RNPS1: variants seen among roughly 807,000 people sequenced by gnomAD.
The protein encoded by RNPS1 is RNA binding protein with serine rich domain 1, also known as RNA-binding protein with serine-rich domain 1.
For synonymous variants in RNPS1, 147 were observed against 150.0 expected (o/e 0.98, Z 0.15); for missense variants, 300 against 427.6 (o/e 0.70, Z 2.63).
rs545681694 is a variant in RNPS1 at position 2,256,049 on chromosome 16, C to T, written c.677-323G>A. ...CTGAGGCAGGAGAATGGCGTGAACC[C>T]GGGAGGCAGAGGCTGCAGTAAGCAG... is the stretch of plus-strand genomic sequence containing the variant. On this transcript the variant is annotated intron_variant, in intron 6 of 7. Coordinates refer to ENST00000320225, the MANE Select transcript of RNPS1 (RefSeq NM_080594.4). 1.6e-4 allele frequency: 47 copies of T among 300,048 alleles called. 2 individuals are homozygous for T. Among genetic ancestry groups the T allele is most frequent in the South Asian group, 1.3e-3 (42 of 31,872 alleles). 18.6% of individuals were successfully genotyped at this position (300,048 alleles called of 1,614,324 possible). A position where few individuals can be genotyped will look rare whatever the true frequency, so the allele number is the denominator to read the frequency against.
chr16:2,259,166 C>T lies in RNPS1; in HGVS notation c.676+3112G>A, dbSNP rs1195921613. Among the ~76,000 whole-genome samples the T allele has an allele frequency of 3.4e-5, 5 of 149,244 alleles. No individual in the cohort carries two copies. The East Asian group carries it at 9.7e-4, about 29-fold the overall frequency. ...GGATTGGGTTTTAACATTAACAGCACACTGATGTAAAAGTGAAATTTGGCT... is the reference window on the plus strand; with the variant it reads ...GGATTGGGTTTTAACATTAACAGCATACTGATGTAAAAGTGAAATTTGGCT... On this transcript the variant is annotated intron_variant, in intron 6 of 7. Transcript: ENST00000320225.
chr16:2,262,615 A>C, intron 5 of RNPS1, 125 bp downstream of exon 5: 1 of 983,454 alleles, frequency 1.0e-6, no homozygotes, highest in Non-Finnish European at 1.5e-6. Context: ...GGAACGAATC[A>C]ATGCTGTACT....
chr16:2,255,015 G>A (rs2093571365), intron 7 of RNPS1, among the ~76,000 whole-genome samples: 1 of 152,144 alleles, frequency 6.6e-6, no homozygotes, highest in Non-Finnish European at 1.5e-5. Flanking sequence ...GTGATTACAG[G>A]CCTGAGCCAC....
intron 7 of RNPS1, among the ~76,000 whole-genome samples, chr16:2,255,077 A>C (rs539961984): frequency 6.6e-6 from 1 of 152,176 alleles, no homozygotes; most frequent in Non-Finnish European, 1.5e-5. Context: ...GACAGGTCCC[A>C]CCTGATGGGC....
chr16:2,267,096 C>G (rs1038596649), intron 1 of RNPS1: 2 of 830,866 alleles, frequency 2.4e-6, no homozygotes, highest in African/African-American at 3.7e-5. Flanking sequence ...ACTCCAAACA[C>G]TAAGAACCAC....
chr16:2,267,987 A>AGGCGTCCTGCCGGGCCTGCCGGGC, intron 1 of RNPS1, 68 bp downstream of exon 1: 18 of 1,533,348 alleles, frequency 1.2e-5, no homozygotes, highest in Admixed American at 2.0e-5. Flanking sequence ...CGGCTTCACG[A>AGGCGTCCTGCCGGGCCTGCCGGGC]GGCGTCCTGC....
intron 3 of RNPS1, 69 bp downstream of exon 3, chr16:2,264,107 C>G: frequency 1.3e-6 from 2 of 1,553,802 alleles, no homozygotes; most frequent in Non-Finnish European, 1.8e-6. Context: ...GAAAACCGAG[C>G]CATCTGTGGG....
At position 2,267,620 on chromosome 16, in the gene RNPS1, C is replaced by T. The variant is rs1466469955; in HGVS notation, c.-118+435G>A. 8.3e-6 allele frequency: 9 copies of T among 1,079,814 alleles called. No individual in the cohort carries two copies. In the East Asian group the frequency reaches 7.5e-4, roughly 90 times the overall value. 66.9% of individuals were successfully genotyped at this position (1,079,814 alleles called of 1,614,324 possible). On this transcript the variant is annotated intron_variant, in intron 1 of 7. Coordinates refer to ENST00000320225, the MANE Select transcript of RNPS1 (RefSeq NM_080594.4). ...GAAACTCCGCGCCCGCCGACACCGG[C>T]CCGACACGCCGACCTCGCCGCTACC...
Position 2,262,236 on chromosome 16 carries a change from C to G in RNPS1, c.676+42G>C, listed in dbSNP as rs189453052. On this transcript the variant is annotated intron_variant, in intron 6 of 7. Coordinates refer to ENST00000320225, the MANE Select transcript of RNPS1 (RefSeq NM_080594.4). The stretch of plus-strand genomic sequence containing the variant: ...TCAGTTTGAAAGCCCCTCGCGGCGG[C>G]GGGTCTCTGAGAGGTCAGGGTTATG... The G allele has an allele frequency of 2.6e-4, 413 of 1,583,358 alleles. 2 individuals are homozygous for G. The Middle Eastern group carries it at 5.5e-3, about 21-fold the overall frequency.
chr16:2,263,314 C>G (rs1248428059), intron 3 of RNPS1, 27 bp from the exon 4 acceptor site: 1 of 1,610,832 alleles, frequency 6.2e-7, no homozygotes, highest in Admixed American at 1.7e-5. Flanking sequence ...GGGTCACAAC[C>G]ACCACACACC....
chr16:2,254,952 C>T (rs1479148544), intron 7 of RNPS1, among the ~76,000 whole-genome samples: 6 of 152,016 alleles, frequency 3.9e-5, no homozygotes, highest in Non-Finnish European at 7.4e-5. Context: ...CTGTATTAGC[C>T]AGGGTGGTCT....
intron 1 of RNPS1, 55 bp from the exon 2 acceptor site, chr16:2,264,815 C>T (rs2093618493): frequency 1.2e-5 from 17 of 1,402,970 alleles, no homozygotes; most frequent in Non-Finnish European, 1.5e-5. Context: ...GGCAACAAGT[C>T]TACTTTGCAG....
At chr16:2,264,416 C>G in intron 2 of RNPS1, 85 bp from the exon 3 acceptor site, 1 of 1,592,786 alleles carries the variant, frequency 6.3e-7, no homozygotes, top group Admixed American at 1.7e-5. Flanking sequence ...TCAGCATCAG[C>G]AGGGCCACAG....
Position 2,262,861 on chromosome 16 carries a change from C to T in RNPS1, c.420-19G>A. ...TTTGGATCTGATTGAGAAAACAAAA[C>T]ACCAGAAACAATTTCTGTCAAGTCA... On this transcript the variant is annotated intron_variant, in intron 4 of 7. Transcript: ENST00000320225. 6.3e-7 allele frequency: 1 copy of T among 1,599,682 alleles called. No homozygotes were observed. The highest frequency in any genetic ancestry group is 8.6e-7 in the Non-Finnish European group (1 of 1,168,062).
intron 6 of RNPS1, chr16:2,257,684 GACTT>G (rs2093584924): frequency 6.6e-6 from 1 of 152,190 alleles, no homozygotes. Flanking sequence ...GCAAAGGTGT[GACTT>G]ACAAGGCCAA....
intron 7 of RNPS1, 125 bp from the exon 8 acceptor site, chr16:2,254,188 T>C: frequency 1.5e-6 from 1 of 673,200 alleles, no homozygotes; most frequent in Non-Finnish European, 2.3e-6. Flanking sequence ...CAGGCCAGAG[T>C]GCAGTGGCAC....
At chr16:2,259,592 T>TA (rs2093593734) in intron 6 of RNPS1, among the ~76,000 whole-genome samples, 1 of 152,202 alleles carries the variant, frequency 6.6e-6, no homozygotes, top group African/African-American at 2.4e-5. Context: ...TCAGGACTCT[T>TA]AAAGAGCTAA....
Position 2,264,204 on chromosome 16 carries a change from T to C in RNPS1, c.199A>G (p.Ser67Gly), listed in dbSNP as rs1416471034. ...RGRDKTRKRR[S>G]ASSGSSSTRS... ...GTACTGCTGCTACCACTGGAAGCGC[T>C]GCGCCTCTTTCGGGTTTTGTCCCGG... The change falls in exon 3 of 8, where the codon AGC becomes GGC. Residue 67 changes from serine (S) to glycine (G), a missense_variant. Transcript: ENST00000320225. 4.3e-6 allele frequency: 7 copies of C among 1,613,628 alleles called. No individual in the cohort carries two copies. Among genetic ancestry groups the C allele is most frequent in the Non-Finnish European group, 5.9e-6 (7 of 1,180,036 alleles).
In RNPS1 at chr16:2,262,332, C is replaced by A; in HGVS notation, c.622G>T (p.Val208Leu). ...GCTTCATCTGGATTCTCAAACTCTA[C>A]GTACGCATAGCCTTTGGACAGATGG... ...HPHLSKGYAY[V>L]EFENPDEAEK... Residue 208 changes from valine (V) to leucine (L), a missense_variant, in exon 6 of 8, where the codon GTA (valine) becomes TTA (leucine). Coordinates refer to ENST00000320225, the MANE Select transcript of RNPS1 (RefSeq NM_080594.4). 1 of 1,614,064 alleles carries A rather than the reference C, an allele frequency of 6.2e-7. No individual in the cohort carries two copies.
Sources: gnomAD v4.1 joint callset for allele counts (sites outside exome capture counted in the v4.1 genomes callset) on GRCh38, gnomAD v4.1.1 for gene constraint, MANE v1.5 for transcripts, NCBI Gene and HGNC (gene_info 2026-07-23, HGNC 2026-07-21) for gene names.